The following DCDC1 variants were observed in gnomAD, a reference collection of about 807,000 sequenced individuals.
DCDC1 encodes doublecortin domain containing 1, also known as doublecortin domain-containing protein 1.
A neutral mutation model predicts 178.3 loss-of-function variants in DCDC1; 200 were observed. That is an observed-to-expected ratio of 1.12 (90% CI 1.00 to 1.26). The LOEUF (loss-of-function observed/expected upper bound fraction) is 1.26, where lower values mean the gene tolerates loss of function less well. Ranked by LOEUF, DCDC1 falls within the 50% of genes most tolerant of loss-of-function variation. DCDC1 has a pLI of 0.00. For missense variants in DCDC1, 1,983 were observed against 1,749.2 expected (o/e 1.13, Z -2.38); for synonymous variants, 690 against 604.8 (o/e 1.14, Z -2.07).
At chr11:30,937,116 CAGG>C (rs1368735531) in intron 21 of DCDC1, among the ~76,000 whole-genome samples, 4 of 152,070 alleles carry the variant, frequency 2.6e-5, no homozygotes, top group Admixed American at 2.0e-4. Flanking sequence ...CGTTTTTACC[CAGG>C]AGGTTAGTTC....
chr11:30,979,912 G>C (rs1950301609), intron 20 of DCDC1, among the ~76,000 whole-genome samples: 1 of 152,160 alleles, frequency 6.6e-6, no homozygotes, highest in Non-Finnish European at 1.5e-5. Context: ...TTCTCTGAGA[G>C]GCAAGAAGCA....
intron 21 of DCDC1, among the ~76,000 whole-genome samples, chr11:30,949,353 C>A (rs163872): frequency 0.014 from 2,192 of 152,244 alleles, 60 homozygotes; most frequent in African/African-American, 0.05. Context: ...AGTCAGGAAA[C>A]AACAGATGCT....
chr11:31,265,532 G>A lies in DCDC1; in HGVS notation c.1029C>T (p.Gly343=). The A allele has an allele frequency of 1.4e-6, 2 of 1,436,560 alleles. No individual in the cohort carries two copies. The highest frequency in any genetic ancestry group is 1.7e-5 in the South Asian group (1 of 60,376). The allele number at this position is 1,436,560 out of a possible 1,614,324, so 89.0% of individuals were successfully genotyped here. A position where few individuals can be genotyped will look rare whatever the true frequency, so the allele number is the denominator to read the frequency against. Reference sequence around the variant, plus strand: ...CTTTTGAAATATCTTCAATTTTTCTGCCATACAAATCATAAAAATATCTGG... The same window carrying A: ...CTTTTGAAATATCTTCAATTTTTCTACCATACAAATCATAAAAATATCTGG... ...LPARYFYDLY[G]RKIEDISKVP... Residue 343 remains glycine (G), a synonymous_variant, in exon 8 of 39, where the codon GGC becomes GGT. Transcript: ENST00000684477.
chr11:31,341,806 T>C (rs1421238602), intron 1 of DCDC1, among the ~76,000 whole-genome samples: 3 of 98,276 alleles, frequency 3.1e-5, no homozygotes, highest in Non-Finnish European at 6.1e-5. Flanking sequence ...ATGCAATGCA[T>C]GACTATACAC....
chr11:31,226,080 G>C (rs938320920), intron 9 of DCDC1, among the ~76,000 whole-genome samples: 3 of 152,008 alleles, frequency 2.0e-5, no homozygotes, highest in African/African-American at 7.2e-5. Flanking sequence ...TAAGAGGAAA[G>C]ATAGTATTTG....
intron 7 of DCDC1, among the ~76,000 whole-genome samples, chr11:31,284,798 C>T (rs900344884): frequency 3.3e-5 from 5 of 151,960 alleles, no homozygotes; most frequent in Admixed American, 2.6e-4. Flanking sequence ...ACCACCATGC[C>T]CAGCTAATTT....
rs1240889325 is a variant in DCDC1 at position 31,137,776 on chromosome 11, C to G, written c.1230G>C (p.Leu410=). ...SAKKYYKQLN[L]VMNEQKEKIT... is the part of the protein sequence containing the mutation. ...TTTTCTCCTTCTGTTCATTCATGAC[C>G]AGGTTCAACTAGAAAAAACAAATAA... The change falls in exon 10 of 39, where the codon CTG becomes CTC. Residue 410 remains leucine (L), a synonymous_variant. Coordinates refer to ENST00000684477, the MANE Select transcript of DCDC1 (RefSeq NM_001387274.1). 1 of 701,932 alleles carries G rather than the reference C, an allele frequency of 1.4e-6. No homozygotes were observed. The highest frequency in any genetic ancestry group is 2.6e-6 in the Non-Finnish European group (1 of 384,584). The allele number at this position is 701,932 out of a possible 1,614,324, so 43.5% of individuals were successfully genotyped here. A position where few individuals can be genotyped will look rare whatever the true frequency, so the allele number is the denominator to read the frequency against.
At chr11:31,128,269 C>T (rs936405584) in intron 10 of DCDC1, among the ~76,000 whole-genome samples, 4 of 151,906 alleles carry the variant, frequency 2.6e-5, no homozygotes, top group African/African-American at 9.7e-5. Context: ...CAAAATAAAA[C>T]GTATAGTTTT....
At chr11:30,921,880 C>T (rs1279810295) in intron 24 of DCDC1, among the ~76,000 whole-genome samples, 1 of 152,178 alleles carries the variant, frequency 6.6e-6, no homozygotes, top group South Asian at 2.1e-4. Context: ...TTTTGGGGAG[C>T]TTTCCAAAAG....
At chr11:31,275,697 T>C (rs1427413822) in intron 7 of DCDC1, among the ~76,000 whole-genome samples, 2 of 152,056 alleles carry the variant, frequency 1.3e-5, no homozygotes, top group Non-Finnish European at 2.9e-5. Context: ...AGAGACAGGG[T>C]TTCTCCATGT....
At chr11:31,365,803 C>T (rs549460423) in intron 1 of DCDC1, among the ~76,000 whole-genome samples, 11 of 152,120 alleles carry the variant, frequency 7.2e-5, no homozygotes, top group African/African-American at 2.4e-4. Context: ...ATGCTGATGA[C>T]GCAAACTAAA....
intron 29 of DCDC1, 39 bp downstream of exon 29, chr11:30,908,907 C>T: frequency 1.3e-6 from 2 of 1,530,470 alleles, no homozygotes; most frequent in Non-Finnish European, 1.8e-6. Flanking sequence ...CTCTTTTACC[C>T]TATTTTTCTT....
chr11:31,306,304 C>T lies in DCDC1; in HGVS notation c.519G>A (p.Val173=), dbSNP rs1428473113. The change falls in exon 5 of 39, where the codon GTG becomes GTA. Residue 173 remains valine, a synonymous_variant. Coordinates refer to ENST00000684477, the MANE Select transcript of DCDC1 (RefSeq NM_001387274.1). ...LSQRHKLQPR[V]IKVTAYKNGS... ...CATTTTTGTAAGCTGTTACTTTAATCACTCTTGGTTGAAGTTTGTGTCTTT... is the reference window on the plus strand; with the variant it reads ...CATTTTTGTAAGCTGTTACTTTAATTACTCTTGGTTGAAGTTTGTGTCTTT... The T allele has an allele frequency of 6.2e-7, 1 of 1,610,998 alleles. No individual in the cohort carries two copies.
chr11:30,878,674 G>A lies in DCDC1; in HGVS notation c.5271C>T (p.Ala1757=), dbSNP rs1942364857. 1.2e-6 allele frequency: 2 copies of A among 1,606,842 alleles called. No homozygotes were observed. Among genetic ancestry groups the A allele is most frequent in the Admixed American group, 3.4e-5 (2 of 59,032 alleles). Residue 1757 remains alanine, a synonymous_variant, in exon 38 of 39, where the codon GCC becomes GCT. Transcript: ENST00000684477. ...KQLMEIRANY[A]RIRRQQGPQA... ...GAGGGCCCTGCTGCCTTCGGATTCT[G>A]GCATAATTTGCTCTGATCTCCATCA...
intron 20 of DCDC1, among the ~76,000 whole-genome samples, chr11:30,983,371 T>C (rs1950484899): frequency 6.6e-6 from 1 of 152,170 alleles, no homozygotes; most frequent in Non-Finnish European, 1.5e-5. Context: ...GGAAACACAA[T>C]ATTGCGAAAT....
rs1156747901 is a variant in DCDC1 at position 31,307,656 on chromosome 11, A to G, written c.417T>C (p.Ala139=). 1.2e-6 allele frequency: 2 copies of G among 1,613,914 alleles called. No individual in the cohort carries two copies. The highest frequency in any genetic ancestry group is 2.7e-5 in the African/African-American group (2 of 74,926). ...TTGATTACCTCAGTTGACCCACTGGAGCACTGACAGGTCTGTTTCTCTTGG... is the reference window on the plus strand; with the variant it reads ...TTGATTACCTCAGTTGACCCACTGGGGCACTGACAGGTCTGTTTCTCTTGG... The part of the protein sequence containing the change: ...SASKRNRPVS[A]PVGQLRVAEF... The change falls in exon 4 of 39, where the codon GCT becomes GCC. Residue 139 remains alanine, a synonymous_variant. Coordinates refer to ENST00000684477, the MANE Select transcript of DCDC1 (RefSeq NM_001387274.1).
At chr11:31,263,191 A>C in intron 8 of DCDC1, 6 of 953,634 alleles carry the variant, frequency 6.3e-6, no homozygotes, top group Non-Finnish European at 9.1e-6. Flanking sequence ...CAGTTCATTC[A>C]AATCTGATGT....
chr11:31,310,468 G>A lies in DCDC1; in HGVS notation c.165-2560C>T, dbSNP rs143635614. On this transcript the variant is annotated intron_variant, in intron 3 of 38. Coordinates refer to ENST00000684477, the MANE Select transcript of DCDC1 (RefSeq NM_001387274.1). ...TGAGTAGCTGAGACTACAGGCGCAT[G>A]CAACCACGCCCAGCTGAATTTTTTG... is the stretch of plus-strand genomic sequence containing the variant. Among the ~76,000 whole-genome samples the A allele has an allele frequency of 1.2e-3, 181 of 151,784 alleles. 1 individual carries two copies. Among genetic ancestry groups the A allele is most frequent in the African/African-American group, 4.3e-3 (176 of 41,390 alleles).
intron 9 of DCDC1, among the ~76,000 whole-genome samples, chr11:31,224,652 A>C (rs1284530343): frequency 2.0e-5 from 3 of 152,102 alleles, no homozygotes; most frequent in Non-Finnish European, 4.4e-5. Flanking sequence ...AACTCAAACA[A>C]ATCAGCAAGA....
Sources: allele counts gnomAD v4.1 joint callset (sites outside exome capture counted in the v4.1 genomes callset), GRCh38; gene constraint gnomAD v4.1.1; transcripts MANE v1.5; gene names NCBI Gene and HGNC (gene_info 2026-07-23, HGNC 2026-07-21).